The following PAK5 variants were observed in gnomAD, a reference collection of about 807,000 sequenced individuals.
The protein encoded by PAK5 is p21 (RAC1) activated kinase 5, also known as serine/threonine-protein kinase PAK 5.
PAK5 carries 16 observed loss-of-function variants against 65.9 expected under a neutral mutation model. That is an observed-to-expected ratio of 0.24 (90% confidence interval 0.16 to 0.37). PAK5 has a LOEUF of 0.37. PAK5 is among the 10% of genes least tolerant of loss of function. PAK5 has a pLI of 1.00. For synonymous variants in PAK5, 371 were observed against 354.9 expected, an observed-to-expected ratio of 1.05 and a Z score of -0.51; for missense variants, 785 against 903.9, an observed-to-expected ratio of 0.87 and a Z score of 1.69.
intron 3 of PAK5, among the ~76,000 whole-genome samples, chr20:9,640,888 T>C (rs2047049002): frequency 6.6e-6 from 1 of 152,180 alleles, no homozygotes; most frequent in African/African-American, 2.4e-5. Context: ...ATATAAGCAG[T>C]GTGGCCCCGA....
intron 1 of PAK5, among the ~76,000 whole-genome samples, chr20:9,781,172 G>A (rs2048936820): frequency 6.6e-6 from 1 of 152,120 alleles, no homozygotes; most frequent in Non-Finnish European, 1.5e-5. Flanking sequence ...CATCTAATGG[G>A]TTCCATCACT....
chr20:9,728,459 C>T (rs935388898), intron 1 of PAK5, among the ~76,000 whole-genome samples: 1 of 152,128 alleles, frequency 6.6e-6, no homozygotes, highest in Non-Finnish European at 1.5e-5. Context: ...TGCATGTGCA[C>T]ACATCTGTAT....
chr20:9,769,198 T>C (rs1365907153), intron 1 of PAK5, among the ~76,000 whole-genome samples: 1 of 152,194 alleles, frequency 6.6e-6, no homozygotes, highest in Non-Finnish European at 1.5e-5. Flanking sequence ...TACAGACATA[T>C]GGGGGCATGA....
At chr20:9,782,623 T>C (rs1569086023) in intron 1 of PAK5, among the ~76,000 whole-genome samples, 1 of 152,190 alleles carries the variant, frequency 6.6e-6, no homozygotes, top group East Asian at 1.9e-4. Flanking sequence ...CCCTGGGTGC[T>C]CTGACTTCTG....
At chr20:9,569,424 G>A (rs1184687514) in intron 4 of PAK5, among the ~76,000 whole-genome samples, 4 of 152,152 alleles carry the variant, frequency 2.6e-5, no homozygotes, top group Non-Finnish European at 5.9e-5. Flanking sequence ...GTAAGAGATG[G>A]TCTGAGGACC....
intron 1 of PAK5, among the ~76,000 whole-genome samples, chr20:9,720,985 G>T (rs538817197): frequency 6.6e-6 from 1 of 152,086 alleles, no homozygotes; most frequent in Non-Finnish European, 1.5e-5. Flanking sequence ...TGGGTACAGG[G>T]TTTTATTTTG....
intron 3 of PAK5, among the ~76,000 whole-genome samples, chr20:9,592,379 T>C (rs2046187885): frequency 6.6e-6 from 1 of 152,192 alleles, no homozygotes; most frequent in Non-Finnish European, 1.5e-5. Flanking sequence ...CTAATTTCTC[T>C]TTGGTGATCA....
At chr20:9,752,955 A>G (rs2048593243) in intron 1 of PAK5, among the ~76,000 whole-genome samples, 1 of 152,136 alleles carries the variant, frequency 6.6e-6, no homozygotes, top group Admixed American at 6.6e-5. Context: ...GAACCCTGTC[A>G]CTGGCATGAG....
At chr20:9,589,959 T>A (rs1225579615) in intron 3 of PAK5, among the ~76,000 whole-genome samples, 1 of 152,172 alleles carries the variant, frequency 6.6e-6, no homozygotes, top group Non-Finnish European at 1.5e-5. Flanking sequence ...AAACATTTCA[T>A]CTTTAAAAAT....
chr20:9,686,040 A>G (rs2047714303), intron 2 of PAK5, among the ~76,000 whole-genome samples: 1 of 152,172 alleles, frequency 6.6e-6, no homozygotes, highest in Admixed American at 6.5e-5. Context: ...AATTTTCTTA[A>G]TGGGTCTCAA....
At chr20:9,719,726 T>A (rs1289487777) in intron 1 of PAK5, among the ~76,000 whole-genome samples, 1 of 152,158 alleles carries the variant, frequency 6.6e-6, no homozygotes, top group Non-Finnish European at 1.5e-5. Flanking sequence ...TAAACTTAAT[T>A]GACTACATTG....
At chr20:9,738,818 T>TTGTGTG (rs35705495) in intron 1 of PAK5, among the ~76,000 whole-genome samples, 1 of 150,124 alleles carries the variant, frequency 6.7e-6, no homozygotes, top group African/African-American at 2.4e-5. Context: ...TATGGGCAGT[T>TTGTGTG]TGTGTGTGTG....
chr20:9,701,815 A>G (rs1340216813), intron 2 of PAK5, among the ~76,000 whole-genome samples: 1 of 152,008 alleles, frequency 6.6e-6, no homozygotes, highest in Non-Finnish European at 1.5e-5. Flanking sequence ...CCAGGGCAAC[A>G]TAGCAAGACC....
At chr20:9,649,326 TA>T in intron 2 of PAK5, among the ~76,000 whole-genome samples, 1 of 152,322 alleles carries the variant, frequency 6.6e-6, no homozygotes, top group South Asian at 2.1e-4. Flanking sequence ...AGAAGGATAG[TA>T]AACAGATCCC....
At chr20:9,610,620 T>G (rs2046541183) in intron 3 of PAK5, among the ~76,000 whole-genome samples, 1 of 152,218 alleles carries the variant, frequency 6.6e-6, no homozygotes, top group South Asian at 2.1e-4. Flanking sequence ...AGGCATTTCC[T>G]TTTTGGTCTT....
At chr20:9,806,188 C>T (rs1031391988) in intron 1 of PAK5, among the ~76,000 whole-genome samples, 3 of 151,836 alleles carry the variant, frequency 2.0e-5, no homozygotes, top group African/African-American at 7.3e-5. Flanking sequence ...GGGGTTTCAC[C>T]ATGTTGGCCA....
chr20:9,798,593 G>C (rs1233530944), intron 1 of PAK5, among the ~76,000 whole-genome samples: 1 of 152,140 alleles, frequency 6.6e-6, no homozygotes, highest in African/African-American at 2.4e-5. Context: ...TAGTGCATGT[G>C]AGAAGAACAG....
At chr20:9,554,685 TC>T (rs1304595286) in intron 7 of PAK5, among the ~76,000 whole-genome samples, 1 of 152,228 alleles carries the variant, frequency 6.6e-6, no homozygotes, top group Non-Finnish European at 1.5e-5. Flanking sequence ...CTAAGCCTTT[TC>T]TTGGAGTAGC....
intron 4 of PAK5, among the ~76,000 whole-genome samples, chr20:9,578,714 A>G (rs2045928866): frequency 1.3e-5 from 2 of 152,246 alleles, no homozygotes; most frequent in South Asian, 4.1e-4. Flanking sequence ...GGAATAAACT[A>G]TCTCATGTAT....
Sources: gnomAD v4.1 joint callset for allele counts (sites outside exome capture counted in the v4.1 genomes callset) on GRCh38, gnomAD v4.1.1 for gene constraint, MANE v1.5 for transcripts, NCBI Gene and HGNC (gene_info 2026-07-23, HGNC 2026-07-21) for gene names.